PLEKHM2: variants seen among roughly 807,000 people sequenced by gnomAD.
The protein encoded by PLEKHM2 is pleckstrin homology domain-containing family M member 2.
In PLEKHM2, 77 loss-of-function variants were observed where a neutral mutation model predicts 116.3. That is an observed-to-expected ratio of 0.66 (90% confidence interval 0.55 to 0.80). The LOEUF (loss-of-function observed/expected upper bound fraction) is 0.80, where lower values mean the gene tolerates loss of function less well. Ranked by LOEUF, PLEKHM2 falls within the 30% of genes least tolerant of loss-of-function variation. PLEKHM2 has a pLI of 0.00. For synonymous variants in PLEKHM2, 562 were observed against 571.0 expected (o/e 0.98, Z 0.22); for missense variants, 1,183 against 1,354.9 (o/e 0.87, Z 1.99).
chr1:15,709,552 A>T (rs1312595098), intron 1 of PLEKHM2, among the ~76,000 whole-genome samples: 3 of 152,164 alleles, frequency 2.0e-5, no homozygotes, highest in African/African-American at 7.2e-5. Flanking sequence ...CATTTTGCAG[A>T]TGAGAAAAAA....
intron 1 of PLEKHM2, among the ~76,000 whole-genome samples, chr1:15,713,046 C>T (rs1392556880): frequency 6.6e-6 from 1 of 152,198 alleles, no homozygotes; most frequent in Admixed American, 6.5e-5. Context: ...ACTGATTTGC[C>T]TGCCTTGGCC....
At position 15,704,334 on chromosome 1, in the gene PLEKHM2, C is replaced by T. The variant is rs181177913; in HGVS notation, c.61-11903C>T. Among the ~76,000 whole-genome samples the T allele has an allele frequency of 2.0e-5, 3 of 148,278 alleles. No individual in the cohort carries two copies. The East Asian group carries it at 6.4e-4, about 32-fold the overall frequency. On this transcript the variant is annotated intron_variant, in intron 1 of 19. Coordinates refer to ENST00000375799, the MANE Select transcript of PLEKHM2 (RefSeq NM_015164.4). ...CCTCCCTTCCTCCCTTCCTTTCTTCCTCTTCCTCTCTGTTCTTCCACTTCC... is the reference window on the plus strand; with the variant it reads ...CCTCCCTTCCTCCCTTCCTTTCTTCTTCTTCCTCTCTGTTCTTCCACTTCC...
chr1:15,728,320 G>C lies in PLEKHM2; in HGVS notation c.1884G>C (p.Val628=), dbSNP rs376073436. ...HMEGNLQLLY[V]LLTDCYVYLL... ...AGGGCAACCTGCAGCTGCTGTACGT[G>C]CTGCTCACAGACTGCTATGTCTACC... Residue 628 remains valine, a synonymous_variant, in exon 11 of 20, where the codon GTG becomes GTC. Coordinates refer to ENST00000375799, the MANE Select transcript of PLEKHM2 (RefSeq NM_015164.4). This position sits in a 1 kb window ranked among gnomAD's most constrained non-coding sequence, Gnocchi z 5.9. 1.2e-6 allele frequency: 2 copies of C among 1,613,128 alleles called. No homozygotes were observed. The highest frequency in any genetic ancestry group is 2.7e-5 in the African/African-American group (2 of 74,946).
chr1:15,723,686 A>C (rs1420183166), intron 7 of PLEKHM2, among the ~76,000 whole-genome samples: 2 of 149,520 alleles, frequency 1.3e-5, no homozygotes, highest in Non-Finnish European at 3.0e-5. Flanking sequence ...TCGAGGCTAC[A>C]GTGAGCTGTG....
At chr1:15,683,309 C>A (rs954444895), upstream of PLEKHM2, among the ~76,000 whole-genome samples, 14 of 150,848 alleles carry the variant, frequency 9.3e-5, no homozygotes, top group Non-Finnish European at 2.1e-4. Context: ...TGGGTCTGCA[C>A]ATTGAGGGGG....
At position 15,684,516 on chromosome 1, in the gene PLEKHM2, CGGCGGCGGT is replaced by C. The variant is rs1640720420; in HGVS notation, c.-37_-29del. 1.1e-5 allele frequency: 12 copies of C among 1,078,484 alleles called. No individual in the cohort carries two copies. The South Asian group carries it at 1.3e-4, about 11-fold the overall frequency. The allele number at this position is 1,078,484 out of a possible 1,614,324, so 66.8% of individuals were successfully genotyped here. A position where few individuals can be genotyped will look rare whatever the true frequency, so the allele number is the denominator to read the frequency against. The stretch of plus-strand genomic sequence containing the variant: ...GGCGCGGGAAGCGGCGGCGGGGCGG[CGGCGGCGGT>C]GGCGGTGGCGGTGGCGGCGACGGTG... On this transcript the variant is annotated 5_prime_UTR_variant, in exon 1 of 20. Transcript: ENST00000375799.
At chr1:15,682,638 CAA>C (rs1261914010), upstream of PLEKHM2, among the ~76,000 whole-genome samples, 1 of 70,790 alleles carries the variant, frequency 1.4e-5, no homozygotes, top group Non-Finnish European at 2.8e-5. Flanking sequence ...CAAAACAAAA[CAA>C]AACAAAAAAA....
intron 1 of PLEKHM2, among the ~76,000 whole-genome samples, chr1:15,709,403 A>G (rs957028369): frequency 9.2e-5 from 14 of 152,172 alleles, no homozygotes; most frequent in African/African-American, 3.4e-4. Context: ...CTGCAGCCTC[A>G]TTACAGCTAA....
At chr1:15,681,916 C>A (rs747692488), upstream of PLEKHM2, among the ~76,000 whole-genome samples, 1 of 152,162 alleles carries the variant, frequency 6.6e-6, no homozygotes, top group Non-Finnish European at 1.5e-5. Context: ...AATAAGAAAA[C>A]GCCCTGGGCT....
rs770755275 is a variant in PLEKHM2 at position 15,727,318 on chromosome 1, C to G, written c.1246C>G (p.Gln416Glu). 6.2e-7 allele frequency: 1 copy of G among 1,601,082 alleles called. No homozygotes were observed. Among genetic ancestry groups the G allele is most frequent in the Non-Finnish European group, 8.5e-7 (1 of 1,174,774 alleles). ...GCAGCCCCTGAGCAAGGTTATCGAC[C>G]AGCTCAACGGGCAGCTGGACCCCAG... ...LGQPLSKVID[Q>E]LNGQLDPSTW... The change falls in exon 9 of 20, where the codon CAG becomes GAG. Residue 416 changes from glutamine (Q) to glutamate (E), a missense_variant. Physicochemically the swap from Gln to Glu is conservative, Grantham distance 29. This residue lies in a region of PLEKHM2 where 372 missense variants were observed against 357.2 expected (regional missense o/e 1.04). Coordinates refer to ENST00000375799, the MANE Select transcript of PLEKHM2 (RefSeq NM_015164.4). The surrounding 1 kb of genome is among the most constrained non-coding windows in gnomAD (Gnocchi z 7.5).
In PLEKHM2 at chr1:15,728,035, C is replaced by T. The variant is rs373058541; in HGVS notation, c.1761-44C>T. 9 of 1,521,246 alleles carry T rather than the reference C, an allele frequency of 5.9e-6. No individual in the cohort carries two copies. The highest frequency in any genetic ancestry group is 2.3e-5 in the East Asian group (1 of 43,050). 94.2% of individuals were successfully genotyped at this position (1,521,246 alleles called of 1,614,324 possible). A position where few individuals can be genotyped will look rare whatever the true frequency, so the allele number is the denominator to read the frequency against. The stretch of plus-strand genomic sequence containing the variant: ...TGGGGTGGGGTGTGGCCTCTCTCAC[C>T]GCTGCCTGCCTGACATCTCGCCCTC... On this transcript the variant is annotated intron_variant, in intron 9 of 19. Transcript: ENST00000375799. This position sits in a 1 kb window ranked among gnomAD's most constrained non-coding sequence, Gnocchi z 5.9.
At chr1:15,731,541 G>A (rs1256589740) in intron 16 of PLEKHM2, among the ~76,000 whole-genome samples, 1 of 152,174 alleles carries the variant, frequency 6.6e-6, no homozygotes, top group Non-Finnish European at 1.5e-5. Flanking sequence ...GGACGTTCGG[G>A]TATTTGGGAG....
chr1:15,719,412 T>C lies in PLEKHM2; in HGVS notation c.466-322T>C, dbSNP rs2067957868. 6.6e-6 allele frequency among the ~76,000 whole-genome samples: 1 copy of C among 151,464 alleles called. No individual in the cohort carries two copies. On this transcript the variant is annotated intron_variant, in intron 5 of 19. Transcript: ENST00000375799. The surrounding 1 kb of genome is among the most constrained non-coding windows in gnomAD (Gnocchi z 4.1). Reference sequence around the variant, plus strand: ...AGTTGCAGTGAGCCGAGCCACGTCATTGCACTCCAGCCAGGGCAACAGAGT... The same window carrying C: ...AGTTGCAGTGAGCCGAGCCACGTCACTGCACTCCAGCCAGGGCAACAGAGT...
In PLEKHM2 at chr1:15,730,738, G is replaced by A; in HGVS notation, c.2399+16G>A. 6.3e-7 allele frequency: 1 copy of A among 1,578,604 alleles called. No homozygotes were observed. Among genetic ancestry groups the A allele is most frequent in the Non-Finnish European group, 8.6e-7 (1 of 1,162,350 alleles). ...TGGTGCTCAGGTGGGAGCCCTGGCAGCTCTAGGCCTGGGGCTTGGGCCCTG... is the reference window on the plus strand; with the variant it reads ...TGGTGCTCAGGTGGGAGCCCTGGCAACTCTAGGCCTGGGGCTTGGGCCCTG... On this transcript the variant is annotated intron_variant, in intron 15 of 19. Coordinates refer to ENST00000375799, the MANE Select transcript of PLEKHM2 (RefSeq NM_015164.4).
intron 1 of PLEKHM2, among the ~76,000 whole-genome samples, chr1:15,707,689 G>A (rs1641253008): frequency 6.6e-6 from 1 of 152,194 alleles, no homozygotes; most frequent in Non-Finnish European, 1.5e-5. Context: ...CCCTCCTGGA[G>A]CAGCTGCAGC....
chr1:15,730,708 C>G lies in PLEKHM2; in HGVS notation c.2385C>G (p.Cys795Trp). ...TGGGCAAGGAACACTGGAAGACGTG[C>G]TTCGTGGTGCTCAGGTGGGAGCCCT... ...SYLGKEHWKT[C>W]FVVLSNGILY... Residue 795 changes from cysteine to tryptophan, a missense_variant, in exon 15 of 20, where the codon TGC becomes TGG. Cys to Trp is a radical substitution (Grantham distance 215, BLOSUM62 -2). This residue lies in a region of PLEKHM2 where 594 missense variants were observed against 720.1 expected (regional missense o/e 0.82). Coordinates refer to ENST00000375799, the MANE Select transcript of PLEKHM2 (RefSeq NM_015164.4). 6.3e-7 allele frequency: 1 copy of G among 1,599,968 alleles called. No homozygotes were observed. The highest frequency in any genetic ancestry group is 2.3e-5 in the East Asian group (1 of 44,106).
At chr1:15,712,668 G>A (rs1216632253) in intron 1 of PLEKHM2, among the ~76,000 whole-genome samples, 4 of 137,694 alleles carry the variant, frequency 2.9e-5, no homozygotes, top group Non-Finnish European at 6.1e-5. Flanking sequence ...TTTTTTTTGA[G>A]ACAAGTTCTT....
Position 15,721,436 on chromosome 1 carries a change from C to G in PLEKHM2, c.712+48C>G. On this transcript the variant is annotated intron_variant, in intron 7 of 19. Transcript: ENST00000375799. This position sits in a 1 kb window ranked among gnomAD's most constrained non-coding sequence, Gnocchi z 5.1. ...CCTCTTTTCCTGTTTTGCAATGTTT[C>G]CATGCCAAGCTTGCTGCATGTATCA... 8.6e-7 allele frequency: 1 copy of G among 1,156,266 alleles called. No individual in the cohort carries two copies. The highest frequency in any genetic ancestry group is 1.3e-5 in the South Asian group (1 of 74,086). 71.6% of individuals were successfully genotyped at this position (1,156,266 alleles called of 1,614,324 possible). A position where few individuals can be genotyped will look rare whatever the true frequency, so the allele number is the denominator to read the frequency against.
chr1:15,711,862 T>A (rs1194766597), intron 1 of PLEKHM2, among the ~76,000 whole-genome samples: 1 of 152,036 alleles, frequency 6.6e-6, no homozygotes, highest in Non-Finnish European at 1.5e-5. Flanking sequence ...CTCACGCCTG[T>A]AATCCCAGCA....
Sources: gnomAD v4.1 joint callset for allele counts (sites outside exome capture counted in the v4.1 genomes callset) on GRCh38, gnomAD v4.1.1 for gene constraint, gnomAD v4.1.1 regional missense constraint, Gnocchi (gnomAD v3.1) non-coding constraint, MANE v1.5 for transcripts, NCBI Gene and HGNC (gene_info 2026-07-23, HGNC 2026-07-21) for gene names.